Variants in ZNF521 observed in about 807,000 individuals in gnomAD.
ZNF521 encodes LYST-interacting protein 3.
In ZNF521, 14 loss-of-function variants were observed where a neutral mutation model predicts 105.5. That is an observed-to-expected ratio of 0.13 (90% CI 0.09 to 0.21). ZNF521 has a LOEUF of 0.21. ZNF521 is among the 10% of genes least tolerant of loss of function. The pLI is 1.00. For missense variants in ZNF521, 1,233 were observed against 1,629.7 expected (o/e 0.76, Z 4.19); for synonymous variants, 635 against 606.0 (o/e 1.05, Z -0.70).
intron 5 of ZNF521, among the ~76,000 whole-genome samples, chr18:25,170,013 A>T (rs2035418954): frequency 6.6e-6 from 1 of 152,180 alleles, no homozygotes; most frequent in Non-Finnish European, 1.5e-5. Context: ...ATTCTTTCCC[A>T]ATAAACATTA....
At chr18:25,243,146 T>C in intron 3 of ZNF521, among the ~76,000 whole-genome samples, 1 of 152,196 alleles carries the variant, frequency 6.6e-6, no homozygotes, top group Non-Finnish European at 1.5e-5. Context: ...AATTTTCCCT[T>C]ATGGTTAAGT....
intron 7 of ZNF521, among the ~76,000 whole-genome samples, chr18:25,077,410 C>G (rs1240395105): frequency 6.6e-6 from 1 of 152,178 alleles, no homozygotes; most frequent in Non-Finnish European, 1.5e-5. Flanking sequence ...CCAGCTCTTC[C>G]CTACAGAGCA....
chr18:25,115,368 A>G (rs4132769), intron 5 of ZNF521, among the ~76,000 whole-genome samples: 63,172 of 152,046 alleles, frequency 0.42, 14,464 homozygotes, highest in Non-Finnish European at 0.52. Flanking sequence ...CCATTGTCTT[A>G]GCCACTTAGT....
At chr18:25,160,386 C>T (rs2035228707) in intron 5 of ZNF521, among the ~76,000 whole-genome samples, 3 of 152,124 alleles carry the variant, frequency 2.0e-5, no homozygotes, top group Admixed American at 2.0e-4. Flanking sequence ...GCACATGTGG[C>T]CAAATTCCAC....
At chr18:25,255,536 T>C (rs951294236) in intron 3 of ZNF521, among the ~76,000 whole-genome samples, 9 of 152,132 alleles carry the variant, frequency 5.9e-5, no homozygotes, top group Admixed American at 4.6e-4. Context: ...ATTTCTGATA[T>C]AAAAGAAGTA....
At chr18:25,245,864 T>C (rs548422247) in intron 3 of ZNF521, among the ~76,000 whole-genome samples, 2 of 152,128 alleles carry the variant, frequency 1.3e-5, no homozygotes, top group East Asian at 3.9e-4. Context: ...ATTTAAAAAT[T>C]AGCCAGATGT....
intron 3 of ZNF521, among the ~76,000 whole-genome samples, chr18:25,285,657 TACAG>T (rs1196329028): frequency 1.3e-5 from 2 of 151,594 alleles, no homozygotes; most frequent in Middle Eastern, 3.2e-3. Flanking sequence ...CCTACAGAAC[TACAG>T]ACAGATTTTG....
At chr18:25,299,873 T>A (rs967508451) in intron 3 of ZNF521, among the ~76,000 whole-genome samples, 4 of 152,220 alleles carry the variant, frequency 2.6e-5, no homozygotes, top group Non-Finnish European at 5.9e-5. Context: ...TGGCAGATTA[T>A]GTTTCCCAAG....
intron 4 of ZNF521, among the ~76,000 whole-genome samples, chr18:25,199,232 GA>G (rs148087424): frequency 0.19 from 28,248 of 150,204 alleles, 2,813 homozygotes; most frequent in South Asian, 0.27. Context: ...CTATTACTAT[GA>G]GGGGGAAAAA....
At chr18:25,204,721 G>C (rs918239874) in intron 4 of ZNF521, among the ~76,000 whole-genome samples, 2 of 151,856 alleles carry the variant, frequency 1.3e-5, no homozygotes, top group Non-Finnish European at 2.9e-5. Flanking sequence ...GTTTCCCATG[G>C]AGAGAGATGC....
intron 6 of ZNF521, 121 bp downstream of exon 6, chr18:25,091,829 C>T: frequency 1.6e-6 from 2 of 1,223,280 alleles, no homozygotes; most frequent in Non-Finnish European, 2.2e-6. Flanking sequence ...AACATCTTCC[C>T]CCCAAATTGA....
chr18:25,062,759 A>C lies in ZNF521; in HGVS notation c.3907-18T>G. 2.9e-6 allele frequency: 3 copies of C among 1,042,516 alleles called. No homozygotes were observed. The highest frequency in any genetic ancestry group is 3.7e-6 in the Non-Finnish European group (3 of 804,206). 64.6% of individuals were successfully genotyped at this position (1,042,516 alleles called of 1,614,324 possible). A position where few individuals can be genotyped will look rare whatever the true frequency, so the allele number is the denominator to read the frequency against. ...GTATGATTCTGTAAATAACAAAAAA[A>C]AAAAAAAAAAAAAAAAAAAAAAAAA... is the stretch of plus-strand genomic sequence containing the variant. On this transcript the variant is annotated intron_variant, in intron 7 of 7. Coordinates refer to ENST00000361524, the MANE Select transcript of ZNF521 (RefSeq NM_015461.3).
intron 3 of ZNF521, among the ~76,000 whole-genome samples, chr18:25,271,429 T>C (rs937518516): frequency 6.6e-6 from 1 of 152,116 alleles, no homozygotes. Context: ...TGAAATTTCA[T>C]ATGGAACCAA....
chr18:25,163,756 T>C (rs1041968941), intron 5 of ZNF521, among the ~76,000 whole-genome samples: 1 of 152,206 alleles, frequency 6.6e-6, no homozygotes. Context: ...CAGGATGAAT[T>C]GCTGTGTTGC....
At chr18:25,132,775 G>A (rs543724028) in intron 5 of ZNF521, among the ~76,000 whole-genome samples, 1 of 152,282 alleles carries the variant, frequency 6.6e-6, no homozygotes, top group African/African-American at 2.4e-5. Context: ...CCGTTCTCCT[G>A]TTAGCTAAAA....
rs188139755 is a variant in ZNF521 at position 25,083,010 on chromosome 18, C to T, written c.3906+6455G>A. Among the ~76,000 whole-genome samples, 298 of 152,184 alleles carry T rather than the reference C, an allele frequency of 2.0e-3. 2 individuals are homozygous for T. The highest frequency in any genetic ancestry group is 6.8e-3 in the African/African-American group (281 of 41,534). On this transcript the variant is annotated intron_variant, in intron 7 of 7. Coordinates refer to ENST00000361524, the MANE Select transcript of ZNF521 (RefSeq NM_015461.3). ...TGTTTGCAAAAGAGGATTTCAGCCT[C>T]GCTTGGAGGAAAATATGAAAAAATA... is the stretch of plus-strand genomic sequence containing the variant.
chr18:25,124,762 C>T (rs185597160), intron 5 of ZNF521, among the ~76,000 whole-genome samples: 5 of 152,212 alleles, frequency 3.3e-5, no homozygotes, highest in Admixed American at 3.3e-4. Flanking sequence ...ATATTTTGTT[C>T]CAAACAAATT....
chr18:25,195,376 T>C (rs1317220007), intron 4 of ZNF521, 132 bp from the exon 5 acceptor site: 2 of 629,820 alleles, frequency 3.2e-6, no homozygotes, highest in African/African-American at 3.9e-5. Context: ...CAGGGCCCCT[T>C]GGCCCAAGTT....
chr18:25,187,107 G>C (rs879535778), intron 5 of ZNF521, among the ~76,000 whole-genome samples: 5 of 152,002 alleles, frequency 3.3e-5, no homozygotes, highest in Admixed American at 6.6e-5. Context: ...CTTTAAGTTA[G>C]ATAAACCGCT....
Sources: gnomAD v4.1 joint callset for allele counts (sites outside exome capture counted in the v4.1 genomes callset) on GRCh38, gnomAD v4.1.1 for gene constraint, MANE v1.5 for transcripts, NCBI Gene and HGNC (gene_info 2026-07-23, HGNC 2026-07-21) for gene names.